CCDC178: variants seen among roughly 807,000 people sequenced by gnomAD.
The protein encoded by CCDC178 is coiled-coil domain-containing protein 178.
CCDC178 carries 126 observed loss-of-function variants against 117.4 expected under a neutral mutation model. That is an observed-to-expected ratio of 1.07 (90% CI 0.93 to 1.24). The LOEUF is 1.24. Ranked by LOEUF, CCDC178 falls within the 50% of genes most tolerant of loss-of-function variation. CCDC178 has a pLI of 0.00. For missense variants in CCDC178, 1,030 were observed against 986.9 expected, an observed-to-expected ratio of 1.04 and a Z score of -0.59; for synonymous variants, 283 against 313.4, an observed-to-expected ratio of 0.90 and a Z score of 1.02.
intron 20 of CCDC178, among the ~76,000 whole-genome samples, chr18:33,136,575 T>C (rs770723444): frequency 6.6e-6 from 1 of 152,166 alleles, no homozygotes; most frequent in Non-Finnish European, 1.5e-5. Context: ...GAATAATATA[T>C]GTGTGGCCCA....
chr18:33,219,847 CA>C, intron 18 of CCDC178, among the ~76,000 whole-genome samples: 1 of 152,080 alleles, frequency 6.6e-6, no homozygotes, highest in Admixed American at 6.6e-5. Flanking sequence ...ATGGGTGCAG[CA>C]TACCTACATG....
intron 5 of CCDC178, among the ~76,000 whole-genome samples, chr18:33,382,550 G>A (rs1236530650): frequency 6.6e-6 from 1 of 152,224 alleles, no homozygotes; most frequent in African/African-American, 2.4e-5. Context: ...AGCAGAAGCA[G>A]GGTGGAGTGT....
intron 22 of CCDC178, among the ~76,000 whole-genome samples, chr18:32,947,105 C>T (rs750649718): frequency 7.2e-5 from 11 of 152,076 alleles, no homozygotes; most frequent in Non-Finnish European, 1.3e-4. Flanking sequence ...AGAAAAGTGC[C>T]ATTCTCCTTT....
chr18:33,171,228 T>A (rs1386956663), intron 20 of CCDC178, among the ~76,000 whole-genome samples: 1 of 152,160 alleles, frequency 6.6e-6, no homozygotes, highest in Non-Finnish European at 1.5e-5. Flanking sequence ...AGCCTACATA[T>A]CCTAGCAGAC....
chr18:33,409,094 T>C (rs1363111990), intron 3 of CCDC178, among the ~76,000 whole-genome samples: 2 of 152,330 alleles, frequency 1.3e-5, no homozygotes, highest in East Asian at 3.9e-4. Context: ...TAATTATTTT[T>C]ATTTTTATTG....
At chr18:33,413,236 T>C (rs2063884306) in intron 2 of CCDC178, among the ~76,000 whole-genome samples, 1 of 152,160 alleles carries the variant, frequency 6.6e-6, no homozygotes, top group Non-Finnish European at 1.5e-5. Flanking sequence ...AAAAAAGACT[T>C]CTTAGACAAA....
rs2144690098 is a variant in CCDC178 at position 33,245,276 on chromosome 18, T to C, written c.1562A>G (p.Asp521Gly). 6.3e-7 allele frequency: 1 copy of C among 1,595,584 alleles called. No individual in the cohort carries two copies. ...LTKHKTDEME[D>G]KIAEVRRKFK... Reference sequence around the variant, plus strand: ...CTTTCTTCTCACTTCTGCTATTTTATCTTCCATTTCATCTGTCTTGTGTTT... The same window carrying C: ...CTTTCTTCTCACTTCTGCTATTTTACCTTCCATTTCATCTGTCTTGTGTTT... Residue 521 changes from aspartate (D) to glycine (G), a missense_variant, in exon 15 of 23, where the codon GAT becomes GGT. Asp to Gly is a moderately conservative substitution (Grantham distance 94, BLOSUM62 -1). Coordinates refer to ENST00000383096, the MANE Select transcript of CCDC178 (RefSeq NM_001105528.4).
intron 2 of CCDC178, among the ~76,000 whole-genome samples, chr18:33,426,201 G>A (rs892332675): frequency 6.6e-5 from 10 of 152,148 alleles, no homozygotes; most frequent in Admixed American, 2.6e-4. Context: ...GAGCCACTGC[G>A]CCTGGCCTAA....
intron 21 of CCDC178, among the ~76,000 whole-genome samples, chr18:33,019,535 C>G (rs1184760002): frequency 6.6e-6 from 1 of 152,184 alleles, no homozygotes; most frequent in Non-Finnish European, 1.5e-5. Flanking sequence ...TTCTTCTTCA[C>G]TCTTGCATAA....
rs2058687106 is a variant in CCDC178, at chr18:33,178,258, C to T, written c.2238+33638G>A. Among the ~76,000 whole-genome samples, 4 of 152,240 alleles carry T rather than the reference C, an allele frequency of 2.6e-5. No individual in the cohort carries two copies. In the South Asian group the frequency reaches 8.3e-4, roughly 32 times the overall value. ...ATAAGCTAGAAACCTGAGACTTATC[C>T]TCAACTCCTCTGTCCCACCAGTTCC... On this transcript the variant is annotated intron_variant, in intron 20 of 22. Transcript: ENST00000383096.
At position 33,083,972 on chromosome 18, in the gene CCDC178, T is replaced by C. The variant is rs113952989; in HGVS notation, c.2388+8789A>G. On this transcript the variant is annotated intron_variant, in intron 21 of 22. Transcript: ENST00000383096. ...GGTTCAAGGTAGGATTTATTTGCAA[T>C]TGCCCACAAACATACAGTAAGCCTT... 4.7e-4 allele frequency among the ~76,000 whole-genome samples: 72 copies of C among 152,262 alleles called. 1 individual carries two copies. The highest frequency in any genetic ancestry group is 3.2e-3 in the Middle Eastern group (1 of 316).
intron 20 of CCDC178, among the ~76,000 whole-genome samples, chr18:33,122,608 C>T (rs1052209619): frequency 6.6e-6 from 1 of 152,038 alleles, no homozygotes; most frequent in African/African-American, 2.4e-5. Context: ...AGATCATAGT[C>T]TTCTAAGGAA....
At chr18:33,017,782 T>A (rs8083473) in intron 21 of CCDC178, among the ~76,000 whole-genome samples, 13 of 151,744 alleles carry the variant, frequency 8.6e-5, no homozygotes, top group Admixed American at 8.5e-4. Context: ...GAAATATGCA[T>A]AGAAAATGGA....
In CCDC178 at chr18:33,168,412, C is replaced by T. The variant is rs534532775; in HGVS notation, c.2238+43484G>A. 4.7e-3 allele frequency among the ~76,000 whole-genome samples: 708 copies of T among 152,196 alleles called. 5 individuals are homozygous for T. Among genetic ancestry groups the T allele is most frequent in the Middle Eastern group, 0.014 (4 of 294 alleles). On this transcript the variant is annotated intron_variant, in intron 20 of 22. Coordinates refer to ENST00000383096, the MANE Select transcript of CCDC178 (RefSeq NM_001105528.4). ...TGGCTGTAGGTGTGCAGCATTATTT[C>T]TGGGCTCTCTATTCTGTTCCATTGG...
At chr18:33,087,566 TTG>T (rs57033642) in intron 21 of CCDC178, among the ~76,000 whole-genome samples, 17,845 of 145,828 alleles carry the variant, frequency 0.12, 1,244 homozygotes, top group East Asian at 0.31. Flanking sequence ...CCAAAGCCAT[TTG>T]TGTGTGTGTG....
chr18:33,237,229 G>A (rs1165114245), intron 15 of CCDC178, among the ~76,000 whole-genome samples: 10 of 152,090 alleles, frequency 6.6e-5, no homozygotes, highest in Admixed American at 6.5e-4. Flanking sequence ...TGGAGCCTGG[G>A]TCAAGGATTG....
intron 5 of CCDC178, among the ~76,000 whole-genome samples, chr18:33,388,739 T>A (rs1188459454): frequency 2.0e-5 from 3 of 151,378 alleles, no homozygotes; most frequent in African/African-American, 7.3e-5. Context: ...CGGGATGGTC[T>A]CGATCTCCTG....
At chr18:33,258,373 C>T (rs2059704196) in intron 14 of CCDC178, among the ~76,000 whole-genome samples, 1 of 152,112 alleles carries the variant, frequency 6.6e-6, no homozygotes, top group Admixed American at 6.6e-5. Context: ...TCCTCTTATA[C>T]TTGGAATTCT....
intron 21 of CCDC178, among the ~76,000 whole-genome samples, chr18:32,997,652 G>A (rs2055542957): frequency 6.6e-6 from 1 of 151,848 alleles, no homozygotes; most frequent in African/African-American, 2.4e-5. Flanking sequence ...ACCTGTGTAT[G>A]TATATATAAA....
Sources: allele counts gnomAD v4.1 joint callset (sites outside exome capture counted in the v4.1 genomes callset), GRCh38; gene constraint gnomAD v4.1.1; transcripts MANE v1.5; gene names NCBI Gene and HGNC (gene_info 2026-07-23, HGNC 2026-07-21).